Variants in C11orf87 observed in about 807,000 individuals in gnomAD.
C11orf87 encodes the protein uncharacterized protein C11orf87.
A neutral mutation model predicts 9.2 loss-of-function variants in C11orf87; 3 were observed. That is an observed-to-expected ratio of 0.33 (90% confidence interval 0.15 to 0.84). The LOEUF is 0.84. Among genes scored for constraint, C11orf87 ranks in the 40% least tolerant of loss-of-function variants. The probability of loss-of-function intolerance (pLI) is 0.55; values close to 1 mark genes in which losing one functional copy is unlikely to be tolerated. For missense variants in C11orf87, 256 were observed against 270.7 expected (o/e 0.95, Z 0.38); for synonymous variants, 124 against 124.6 (o/e 1.00, Z 0.03).
rs962500288 is a variant in C11orf87, at chr11:109,426,870, C to T, written c.*2643C>T. On this transcript the variant is annotated 3_prime_UTR_variant, in exon 2 of 2. Coordinates refer to ENST00000327419, the MANE Select transcript of C11orf87 (RefSeq NM_207645.4). Reference sequence around the variant, plus strand: ...AGTGCATGGATATTACTTTCTTTCCCTTATTTGGTGCACTTTCTACAGCGA... The same window carrying T: ...AGTGCATGGATATTACTTTCTTTCCTTTATTTGGTGCACTTTCTACAGCGA... 3 of 152,116 alleles carry T rather than the reference C, an allele frequency of 2.0e-5. No homozygotes were observed. Among genetic ancestry groups the T allele is most frequent in the Non-Finnish European group, 4.4e-5 (3 of 68,010 alleles). The allele number at this position is 152,116 out of a possible 1,614,324, so 9.4% of individuals were successfully genotyped here.
chr11:109,426,640 G>A lies in C11orf87; in HGVS notation c.*2413G>A, dbSNP rs1022346038. 7 of 151,136 alleles carry A rather than the reference G, an allele frequency of 4.6e-5. No homozygotes were observed. Among genetic ancestry groups the A allele is most frequent in the Non-Finnish European group, 7.4e-5 (5 of 67,712 alleles). The allele number at this position is 151,136 out of a possible 1,614,324, so 9.4% of individuals were successfully genotyped here. A position where few individuals can be genotyped will look rare whatever the true frequency, so the allele number is the denominator to read the frequency against. ...GTGCATTAACTCCCTCAGGCCACTA[G>A]GGAATCCTGTAGTGCATCAGAGTTC... On this transcript the variant is annotated 3_prime_UTR_variant, in exon 2 of 2. Transcript: ENST00000327419.
In C11orf87 at chr11:109,427,837, GT is replaced by G. The variant is rs1860593427; in HGVS notation, c.*3614del. The G allele has an allele frequency of 6.6e-6, 1 of 152,010 alleles. No homozygotes were observed. Among genetic ancestry groups the G allele is most frequent in the Non-Finnish European group, 1.5e-5 (1 of 67,958 alleles). 9.4% of individuals were successfully genotyped at this position (152,010 alleles called of 1,614,324 possible). ...TAGATATGTATTTATATATGCATAC[GT>G]TTTGTATAAATTTACAATTGACTTT... On this transcript the variant is annotated 3_prime_UTR_variant, in exon 2 of 2. Coordinates refer to ENST00000327419, the MANE Select transcript of C11orf87 (RefSeq NM_207645.4).
rs1860520044 is a variant in C11orf87 at position 109,423,302 on chromosome 11, G to C, written c.-259-73G>C. 1 of 389,320 alleles carries C rather than the reference G, an allele frequency of 2.6e-6. No homozygotes were observed. The highest frequency in any genetic ancestry group is 4.6e-6 in the Non-Finnish European group (1 of 215,346). 24.1% of individuals were successfully genotyped at this position (389,320 alleles called of 1,614,324 possible). ...TGTGCCCAGAGGGCCGCTTTGCGGTGGTGGTTGATCTTTCCCGACAGCACT... is the reference window on the plus strand; with the variant it reads ...TGTGCCCAGAGGGCCGCTTTGCGGTCGTGGTTGATCTTTCCCGACAGCACT... On this transcript the variant is annotated intron_variant, in intron 1 of 1. Coordinates refer to ENST00000327419, the MANE Select transcript of C11orf87 (RefSeq NM_207645.4). The surrounding 1 kb of genome is among the most constrained non-coding windows in gnomAD (Gnocchi z 5.3).
In C11orf87 at chr11:109,428,311, A is replaced by G. The variant is rs905835657; in HGVS notation, c.*4084A>G. 4.8e-4 allele frequency: 73 copies of G among 152,272 alleles called. No homozygotes were observed. The highest frequency in any genetic ancestry group is 1.7e-3 in the African/African-American group (69 of 41,592). 9.4% of individuals were successfully genotyped at this position (152,272 alleles called of 1,614,324 possible). A position where few individuals can be genotyped will look rare whatever the true frequency, so the allele number is the denominator to read the frequency against. Reference sequence around the variant, plus strand: ...ATGACCATTATCTGTTTAGTTTGAGAAATCATTTTTGGATAATATGGATAA... The same window carrying G: ...ATGACCATTATCTGTTTAGTTTGAGGAATCATTTTTGGATAATATGGATAA... On this transcript the variant is annotated 3_prime_UTR_variant, in exon 2 of 2. Transcript: ENST00000327419.
rs1159854045 is a variant in C11orf87 at position 109,422,648 on chromosome 11, G to T, written c.-260+385G>T. ...CTAGAAAGAAGCAGGCTACTGCCAA[G>T]TTGGGGGCACAGGGAAATGGGGAGG... is the stretch of plus-strand genomic sequence containing the variant. On this transcript the variant is annotated intron_variant, in intron 1 of 1. Transcript: ENST00000327419. Among the ~76,000 whole-genome samples, 4 of 150,756 alleles carry T rather than the reference G, an allele frequency of 2.7e-5. No individual in the cohort carries two copies. The East Asian group carries it at 7.9e-4, about 30-fold the overall frequency.
rs1591276958 is a variant in C11orf87, at chr11:109,429,100, G to C, written c.*4873G>C. On this transcript the variant is annotated 3_prime_UTR_variant, in exon 2 of 2. Transcript: ENST00000327419. The stretch of plus-strand genomic sequence containing the variant: ...TTGTTTTGCTTTTCTATCAATAAAA[G>C]AGTTTTCTTGTTAATTGGCTTTTTG... The C allele has an allele frequency of 1.3e-5, 2 of 152,232 alleles. No individual in the cohort carries two copies. Among genetic ancestry groups the C allele is most frequent in the South Asian group, 2.1e-4 (1 of 4,818 alleles). The allele number at this position is 152,232 out of a possible 1,614,324, so 9.4% of individuals were successfully genotyped here.
Position 109,427,130 on chromosome 11 carries a change from A to G in C11orf87, c.*2903A>G, listed in dbSNP as rs1394947119. 1 of 152,216 alleles carries G rather than the reference A, an allele frequency of 6.6e-6. No homozygotes were observed. The highest frequency in any genetic ancestry group is 1.5e-5 in the Non-Finnish European group (1 of 68,028). The allele number at this position is 152,216 out of a possible 1,614,324, so 9.4% of individuals were successfully genotyped here. On this transcript the variant is annotated 3_prime_UTR_variant, in exon 2 of 2. Coordinates refer to ENST00000327419, the MANE Select transcript of C11orf87 (RefSeq NM_207645.4). ...AAGGAATGCAAGGAGCAAGAGAAAT[A>G]AAAGCATTATGTATATTGTAAAACA...
chr11:109,423,629 C>G lies in C11orf87; in HGVS notation c.-5C>G, dbSNP rs779524290. The G allele has an allele frequency of 2.7e-5, 43 of 1,592,228 alleles. No individual in the cohort carries two copies. Among genetic ancestry groups the G allele is most frequent in the Non-Finnish European group, 3.4e-5 (40 of 1,176,322 alleles). ...GTGGGCCTGGCCCCTCCCAGCCCCG[C>G]GCCAATGAGTGCCAGGGCGCCGAAG... On this transcript the variant is annotated 5_prime_UTR_variant, in exon 2 of 2. Coordinates refer to ENST00000327419, the MANE Select transcript of C11orf87 (RefSeq NM_207645.4). The surrounding 1 kb of genome is among the most constrained non-coding windows in gnomAD (Gnocchi z 5.3).
In C11orf87 at chr11:109,424,607, A is replaced by C; in HGVS notation, c.*380A>C. 5.9e-6 allele frequency: 1 copy of C among 168,114 alleles called. No homozygotes were observed. The highest frequency in any genetic ancestry group is 1.5e-5 in the Non-Finnish European group (1 of 68,888). 10.4% of individuals were successfully genotyped at this position (168,114 alleles called of 1,614,324 possible). A position where few individuals can be genotyped will look rare whatever the true frequency, so the allele number is the denominator to read the frequency against. ...GAGGAGAAACCGCACAAGCTACCAA[A>C]TATATAAAAGGCATTGATTCCCGGA... On this transcript the variant is annotated 3_prime_UTR_variant, in exon 2 of 2. Transcript: ENST00000327419. This position sits in a 1 kb window ranked among gnomAD's most constrained non-coding sequence, Gnocchi z 4.7.
Position 109,426,807 on chromosome 11 carries a change from C to T in C11orf87, c.*2580C>T, listed in dbSNP as rs1860578293. 6.6e-6 allele frequency: 1 copy of T among 152,110 alleles called. No homozygotes were observed. The highest frequency in any genetic ancestry group is 1.5e-5 in the Non-Finnish European group (1 of 68,000). 9.4% of individuals were successfully genotyped at this position (152,110 alleles called of 1,614,324 possible). A position where few individuals can be genotyped will look rare whatever the true frequency, so the allele number is the denominator to read the frequency against. On this transcript the variant is annotated 3_prime_UTR_variant, in exon 2 of 2. Coordinates refer to ENST00000327419, the MANE Select transcript of C11orf87 (RefSeq NM_207645.4). The stretch of plus-strand genomic sequence containing the variant: ...TTGAAATTTGAATAGAATCAGGGTC[C>T]CAGAAGGGAGCTTCATCATTTCCAA...
Position 109,424,723 on chromosome 11 carries a change from T to G in C11orf87, c.*496T>G, listed in dbSNP as rs1288119720. 1 of 167,122 alleles carries G rather than the reference T, an allele frequency of 6.0e-6. No individual in the cohort carries two copies. The highest frequency in any genetic ancestry group is 1.5e-5 in the Non-Finnish European group (1 of 68,186). 10.4% of individuals were successfully genotyped at this position (167,122 alleles called of 1,614,324 possible). ...TCCCCTCTGACCCCTAAGCTTTCAC[T>G]TTTCCTTTAGCTTCCCTTTCCTCCC... On this transcript the variant is annotated 3_prime_UTR_variant, in exon 2 of 2. Coordinates refer to ENST00000327419, the MANE Select transcript of C11orf87 (RefSeq NM_207645.4). The surrounding 1 kb of genome is among the most constrained non-coding windows in gnomAD (Gnocchi z 4.7).
rs1490537275 is a variant in C11orf87 at position 109,424,443 on chromosome 11, T to A, written c.*216T>A. The A allele has an allele frequency of 4.1e-6, 2 of 486,534 alleles. No individual in the cohort carries two copies. Among genetic ancestry groups the A allele is most frequent in the East Asian group, 7.5e-5 (2 of 26,764 alleles). 30.1% of individuals were successfully genotyped at this position (486,534 alleles called of 1,614,324 possible). On this transcript the variant is annotated 3_prime_UTR_variant, in exon 2 of 2. Coordinates refer to ENST00000327419, the MANE Select transcript of C11orf87 (RefSeq NM_207645.4). This position sits in a 1 kb window ranked among gnomAD's most constrained non-coding sequence, Gnocchi z 4.7. ...AAAGTCTCGGAAGAAGAAATAACGC[T>A]GATAATAATACTTTATTAATATTTA... is the stretch of plus-strand genomic sequence containing the variant.
intron 1 of C11orf87, among the ~76,000 whole-genome samples, 167 bp downstream of exon 1, chr11:109,422,430 T>C (rs1860503298): frequency 6.6e-6 from 1 of 152,236 alleles, no homozygotes; most frequent in South Asian, 2.1e-4. Flanking sequence ...GCTACCTCGC[T>C]ACTCCGCAGT....
In C11orf87 at chr11:109,423,600, C is replaced by A; in HGVS notation, c.-34C>A. 1 of 1,550,484 alleles carries A rather than the reference C, an allele frequency of 6.4e-7. No homozygotes were observed. The highest frequency in any genetic ancestry group is 1.4e-5 in the African/African-American group (1 of 73,224). On this transcript the variant is annotated 5_prime_UTR_variant, in exon 2 of 2. Transcript: ENST00000327419. The surrounding 1 kb of genome is among the most constrained non-coding windows in gnomAD (Gnocchi z 5.3). ...GGAACGGTGTGCCCAAGAGGGGAAG[C>A]CTAGTGGGCCTGGCCCCTCCCAGCC... is the stretch of plus-strand genomic sequence containing the variant.
In C11orf87 at chr11:109,425,223, A is replaced by G. The variant is rs1283699088; in HGVS notation, c.*996A>G. The G allele has an allele frequency of 6.0e-6, 1 of 166,904 alleles. No individual in the cohort carries two copies. Among genetic ancestry groups the G allele is most frequent in the Admixed American group, 6.6e-5 (1 of 15,266 alleles). The allele number at this position is 166,904 out of a possible 1,614,324, so 10.3% of individuals were successfully genotyped here. A position where few individuals can be genotyped will look rare whatever the true frequency, so the allele number is the denominator to read the frequency against. On this transcript the variant is annotated 3_prime_UTR_variant, in exon 2 of 2. Coordinates refer to ENST00000327419, the MANE Select transcript of C11orf87 (RefSeq NM_207645.4). ...GTTGGGTTCTTTCTTCTTTTTCTACAATCGAGTTAGCGTGTACTATTGGTT... is the reference window on the plus strand; with the variant it reads ...GTTGGGTTCTTTCTTCTTTTTCTACGATCGAGTTAGCGTGTACTATTGGTT...
In C11orf87 at chr11:109,423,543, T is replaced by C. The variant is rs1286107782; in HGVS notation, c.-91T>C. 7.5e-7 allele frequency: 1 copy of C among 1,326,024 alleles called. No individual in the cohort carries two copies. Among genetic ancestry groups the C allele is most frequent in the East Asian group, 2.5e-5 (1 of 39,664 alleles). 82.1% of individuals were successfully genotyped at this position (1,326,024 alleles called of 1,614,324 possible). A position where few individuals can be genotyped will look rare whatever the true frequency, so the allele number is the denominator to read the frequency against. On this transcript the variant is annotated 5_prime_UTR_variant, in exon 2 of 2. Coordinates refer to ENST00000327419, the MANE Select transcript of C11orf87 (RefSeq NM_207645.4). The surrounding 1 kb of genome is among the most constrained non-coding windows in gnomAD (Gnocchi z 5.3). Reference sequence around the variant, plus strand: ...TCCCGCTACAGGGAGCAGTTTTGGGTGGCGTGGGCTCCGTCCTCTTCTTGG... The same window carrying C: ...TCCCGCTACAGGGAGCAGTTTTGGGCGGCGTGGGCTCCGTCCTCTTCTTGG...
rs1478221730 is a variant in C11orf87, at chr11:109,426,563, T to A, written c.*2336T>A. Reference sequence around the variant, plus strand: ...TCTTTGGGTACAATATATTAAACAATGAACCAGTTTTTCTCCAGTGCCTTA... The same window carrying A: ...TCTTTGGGTACAATATATTAAACAAAGAACCAGTTTTTCTCCAGTGCCTTA... On this transcript the variant is annotated 3_prime_UTR_variant, in exon 2 of 2. Transcript: ENST00000327419. 1.3e-5 allele frequency: 2 copies of A among 152,180 alleles called. No homozygotes were observed. The highest frequency in any genetic ancestry group is 2.9e-5 in the Non-Finnish European group (2 of 68,020). 9.4% of individuals were successfully genotyped at this position (152,180 alleles called of 1,614,324 possible). A position where few individuals can be genotyped will look rare whatever the true frequency, so the allele number is the denominator to read the frequency against.
chr11:109,424,362 A>T lies in C11orf87; in HGVS notation c.*135A>T. The stretch of plus-strand genomic sequence containing the variant: ...TGGTTTCCTTACCTGCCCTCCCCTT[A>T]CTCTTGTTTCTCCTCCGCCGAGGCA... On this transcript the variant is annotated 3_prime_UTR_variant, in exon 2 of 2. Coordinates refer to ENST00000327419, the MANE Select transcript of C11orf87 (RefSeq NM_207645.4). The surrounding 1 kb of genome is among the most constrained non-coding windows in gnomAD (Gnocchi z 4.7). The T allele has an allele frequency of 1.5e-6, 1 of 677,798 alleles. No individual in the cohort carries two copies. The highest frequency in any genetic ancestry group is 2.8e-5 in the East Asian group (1 of 35,464). 42.0% of individuals were successfully genotyped at this position (677,798 alleles called of 1,614,324 possible).
Position 109,425,743 on chromosome 11 carries a change from G to A in C11orf87, c.*1516G>A, listed in dbSNP as rs1219519457. Reference sequence around the variant, plus strand: ...TCTCCCTGCATGCAGTTACCACCTGGAGGCAGTGGTGTGTGTGCTTGCTTG... The same window carrying A: ...TCTCCCTGCATGCAGTTACCACCTGAAGGCAGTGGTGTGTGTGCTTGCTTG... On this transcript the variant is annotated 3_prime_UTR_variant, in exon 2 of 2. Coordinates refer to ENST00000327419, the MANE Select transcript of C11orf87 (RefSeq NM_207645.4). The A allele has an allele frequency of 1.3e-5, 2 of 152,434 alleles. No homozygotes were observed. The highest frequency in any genetic ancestry group is 4.8e-5 in the African/African-American group (2 of 41,436). 9.4% of individuals were successfully genotyped at this position (152,434 alleles called of 1,614,324 possible).
Sources: gnomAD v4.1 joint callset for allele counts (sites outside exome capture counted in the v4.1 genomes callset) on GRCh38, gnomAD v4.1.1 for gene constraint, Gnocchi (gnomAD v3.1) non-coding constraint, MANE v1.5 for transcripts, NCBI Gene and HGNC (gene_info 2026-07-23, HGNC 2026-07-21) for gene names.